ADD3: variants seen among roughly 807,000 people sequenced by gnomAD.
ADD3 encodes the protein adducin 3, also known as gamma-adducin.
In ADD3, 25 loss-of-function variants were observed where a neutral mutation model predicts 80.2. The ratio of observed to expected loss-of-function variants is 0.31; its 90% CI spans 0.23 to 0.44. ADD3 has a LOEUF of 0.44. Ranked by LOEUF, ADD3 falls within the 20% of genes least tolerant of loss-of-function variation. The pLI is 1.00. For synonymous variants in ADD3, 284 were observed against 289.6 expected (o/e 0.98, Z 0.20); for missense variants, 829 against 847.5 (o/e 0.98, Z 0.27).
chr10:110,068,454 C>T (rs1022423949), intron 1 of ADD3, among the ~76,000 whole-genome samples: 2 of 152,160 alleles, frequency 1.3e-5, no homozygotes, highest in Admixed American at 1.3e-4. Context: ...CATAAGTAAT[C>T]TAGAGATGAT....
In ADD3 at chr10:110,106,259, T is replaced by C. The variant is rs548801925; in HGVS notation, c.195+5411T>C. Among the ~76,000 whole-genome samples the C allele has an allele frequency of 2.9e-4, 44 of 152,090 alleles. No homozygotes were observed. The South Asian group carries it at 4.6e-3, about 16-fold the overall frequency. Reference sequence around the variant, plus strand: ...TCTCCTATATTTATCAGTGTTATTATCTGAGTGTAAGTTAGACATTACTGA... The same window carrying C: ...TCTCCTATATTTATCAGTGTTATTACCTGAGTGTAAGTTAGACATTACTGA... On this transcript the variant is annotated intron_variant, in intron 2 of 14. Transcript: ENST00000356080.
intron 1 of ADD3, among the ~76,000 whole-genome samples, chr10:110,053,353 G>T (rs1034211237): frequency 2.0e-5 from 3 of 151,770 alleles, no homozygotes; most frequent in Non-Finnish European, 4.4e-5. Context: ...ACTTTTCATT[G>T]AACATTTCTC....
At chr10:110,118,858 C>A (rs1851109149) in intron 6 of ADD3, 122 bp downstream of exon 6, 4 of 1,038,244 alleles carry the variant, frequency 3.9e-6, no homozygotes, top group East Asian at 5.2e-5. Flanking sequence ...AATCTGCATA[C>A]CCAGAAAGCA....
At chr10:110,013,728 C>G (rs895570240) in intron 1 of ADD3, among the ~76,000 whole-genome samples, 1 of 152,192 alleles carries the variant, frequency 6.6e-6, no homozygotes, top group South Asian at 2.1e-4. Context: ...TTACTTTCCC[C>G]TCCCTCACCA....
chr10:110,131,993 G>A (rs751484766), intron 13 of ADD3, among the ~76,000 whole-genome samples: 5 of 152,118 alleles, frequency 3.3e-5, no homozygotes, highest in Admixed American at 6.5e-5. Flanking sequence ...ATCTGTCTGC[G>A]CAGTATGTTT....
intron 1 of ADD3, among the ~76,000 whole-genome samples, chr10:110,094,866 G>A (rs1414025785): frequency 6.6e-6 from 1 of 152,210 alleles, no homozygotes; most frequent in Non-Finnish European, 1.5e-5. Flanking sequence ...CTGCTTTGCG[G>A]TCTTGGCATA....
chr10:110,060,105 T>C (rs1243120756), intron 1 of ADD3, among the ~76,000 whole-genome samples: 1 of 152,220 alleles, frequency 6.6e-6, no homozygotes, highest in Non-Finnish European at 1.5e-5. Flanking sequence ...GACTGCGACT[T>C]CCTGTTCAGC....
At chr10:110,058,108 A>ATT (rs34287994) in intron 1 of ADD3, among the ~76,000 whole-genome samples, 2 of 144,374 alleles carry the variant, frequency 1.4e-5, no homozygotes, top group African/African-American at 2.6e-5. Flanking sequence ...TCTCCTGAAG[A>ATT]TTTTTTTTTT....
chr10:110,032,400 C>G (rs780395054), intron 1 of ADD3, among the ~76,000 whole-genome samples: 10 of 152,014 alleles, frequency 6.6e-5, no homozygotes, highest in Non-Finnish European at 1.5e-4. Context: ...CATTCAGGCT[C>G]AAGCAAGTGG....
chr10:110,053,724 T>C (rs1857792776), intron 1 of ADD3, among the ~76,000 whole-genome samples: 1 of 152,168 alleles, frequency 6.6e-6, no homozygotes, highest in African/African-American at 2.4e-5. Flanking sequence ...ATAGGTAAAA[T>C]AAGAGTAGGT....
intron 2 of ADD3, among the ~76,000 whole-genome samples, chr10:110,110,127 G>C (rs373426129): frequency 2.6e-5 from 4 of 152,296 alleles, no homozygotes; most frequent in East Asian, 3.9e-4. Context: ...GGATTCAAAT[G>C]TCACAATTAG....
chr10:110,069,258 A>T (rs540357595), intron 1 of ADD3, among the ~76,000 whole-genome samples: 1 of 152,326 alleles, frequency 6.6e-6, no homozygotes, highest in South Asian at 2.1e-4. Context: ...AATGATCTGC[A>T]TATTCTTCTT....
At chr10:110,107,527 C>G (rs1296791577) in intron 2 of ADD3, among the ~76,000 whole-genome samples, 2 of 152,066 alleles carry the variant, frequency 1.3e-5, no homozygotes, top group Admixed American at 1.3e-4. Context: ...TTTGCAGTAC[C>G]AAGCCATTTT....
chr10:110,087,368 TG>T (rs1331680651), intron 1 of ADD3, among the ~76,000 whole-genome samples: 1 of 152,202 alleles, frequency 6.6e-6, no homozygotes, highest in Non-Finnish European at 1.5e-5. Context: ...CTTGCTTAAG[TG>T]AAAATATATT....
chr10:110,072,478 T>A (rs903416973), intron 1 of ADD3, among the ~76,000 whole-genome samples: 3 of 152,086 alleles, frequency 2.0e-5, no homozygotes, highest in Non-Finnish European at 4.4e-5. Context: ...GAACAGACAG[T>A]TAGTGTAAGG....
intron 2 of ADD3, among the ~76,000 whole-genome samples, chr10:110,106,405 G>T (rs1257383890): frequency 6.6e-6 from 1 of 151,510 alleles, no homozygotes. Context: ...TTTATCTCCT[G>T]CCACTTTCTC....
At chr10:110,092,051 A>G (rs1302828597) in intron 1 of ADD3, among the ~76,000 whole-genome samples, 1 of 152,204 alleles carries the variant, frequency 6.6e-6, no homozygotes, top group East Asian at 1.9e-4. Context: ...TTCTCATACC[A>G]GTCAGGATGA....
chr10:110,083,361 A>G (rs2133793267), intron 1 of ADD3, among the ~76,000 whole-genome samples: 1 of 152,216 alleles, frequency 6.6e-6, no homozygotes, highest in African/African-American at 2.4e-5. Flanking sequence ...CTAAAAATAC[A>G]AAAAATTAGC....
chr10:110,013,198 G>A (rs886263838), intron 1 of ADD3, among the ~76,000 whole-genome samples: 1 of 152,270 alleles, frequency 6.6e-6, no homozygotes, highest in African/African-American at 2.4e-5. Context: ...TGCCTTCTGG[G>A]TTCAAGCGAT....
Sources: allele counts gnomAD v4.1 joint callset (sites outside exome capture counted in the v4.1 genomes callset), GRCh38; gene constraint gnomAD v4.1.1; transcripts MANE v1.5; gene names NCBI Gene and HGNC (gene_info 2026-07-23, HGNC 2026-07-21).